LRRC9: variants seen among roughly 807,000 people sequenced by gnomAD.
LRRC9 encodes leucine rich repeat containing 9.
LRRC9 carries 122 observed loss-of-function variants against 63.2 expected under a neutral mutation model. The observed-to-expected ratio is 1.93, with a 90% CI of 1.67 to 2.24. The LOEUF (loss-of-function observed/expected upper bound fraction) is 2.24. LRRC9 is among the 30% of genes most tolerant of loss of function. The pLI, the probability that LRRC9 is intolerant of heterozygous loss-of-function variation, is 0.00. For synonymous variants in LRRC9, 366 were observed against 213.1 expected, an observed-to-expected ratio of 1.72 and a Z score of -6.25; for missense variants, 1,071 against 627.7, an observed-to-expected ratio of 1.71 and a Z score of -7.55.
chr14:60,043,460 G>A (rs72718055), intron 29 of LRRC9, among the ~76,000 whole-genome samples: 5,345 of 152,170 alleles, frequency 0.035, 145 homozygotes, highest in Non-Finnish European at 0.055. Flanking sequence ...TTATCTTGAG[G>A]TATGTTCCTT....
Position 59,942,527 on chromosome 14 carries a change from C to T in LRRC9, c.727-2062C>T, listed in dbSNP as rs1881887093. 6.6e-6 allele frequency among the ~76,000 whole-genome samples: 1 copy of T among 152,166 alleles called. No homozygotes were observed. The highest frequency in any genetic ancestry group is 1.5e-5 in the Non-Finnish European group (1 of 68,034). ...ATCACTTGAGGTCAGCAGTTTGTAA[C>T]CAGCCTGGCCAACATGGTGAAACCC... On this transcript the variant is annotated intron_variant, in intron 7 of 31. Coordinates refer to ENST00000445360, the Ensembl canonical transcript of LRRC9. The surrounding 1 kb of genome is among the most constrained non-coding windows in gnomAD (Gnocchi z 5.3).
intron 23 of LRRC9, among the ~76,000 whole-genome samples, chr14:60,009,557 C>CA (rs1890090421): frequency 6.6e-6 from 1 of 152,220 alleles, no homozygotes; most frequent in African/African-American, 2.4e-5. Flanking sequence ...GGTGTGGACA[C>CA]AGAGCCAAAC....
chr14:60,058,374 T>C lies in LRRC9; in HGVS notation c.4276+352T>C, dbSNP rs1473717637. Among the ~76,000 whole-genome samples, 1 of 152,136 alleles carries C rather than the reference T, an allele frequency of 6.6e-6. No individual in the cohort carries two copies. Among genetic ancestry groups the C allele is most frequent in the Non-Finnish European group, 1.5e-5 (1 of 67,992 alleles). On this transcript the variant is annotated intron_variant, in intron 31 of 31. Transcript: ENST00000445360. The surrounding 1 kb of genome is among the most constrained non-coding windows in gnomAD (Gnocchi z 4.4). Reference sequence around the variant, plus strand: ...CAAACAACTACTAAAACCAGTTCATTAGTGCATCCTGCTAAAAGTGGAAAT... The same window carrying C: ...CAAACAACTACTAAAACCAGTTCATCAGTGCATCCTGCTAAAAGTGGAAAT...
At chr14:59,952,571 T>A (rs1214561149) in intron 8 of LRRC9, among the ~76,000 whole-genome samples, 1 of 152,232 alleles carries the variant, frequency 6.6e-6, no homozygotes, top group African/African-American at 2.4e-5. Context: ...GGAGTACAGA[T>A]AACTATTAAA....
At chr14:60,007,707 A>G (rs1889926319) in intron 22 of LRRC9, among the ~76,000 whole-genome samples, 1 of 152,160 alleles carries the variant, frequency 6.6e-6, no homozygotes, top group Non-Finnish European at 1.5e-5. Flanking sequence ...AGGGATTCTG[A>G]TTATATAACA....
At chr14:60,015,814 C>G (rs1194147547) in intron 23 of LRRC9, among the ~76,000 whole-genome samples, 1 of 152,126 alleles carries the variant, frequency 6.6e-6, no homozygotes, top group Non-Finnish European at 1.5e-5. Context: ...GGTTCCCACT[C>G]AGCAGGTGGA....
rs551244902 is a variant in LRRC9, at chr14:59,940,889, C to A, written c.726+2317C>A. On this transcript the variant is annotated intron_variant, in intron 7 of 31. Transcript: ENST00000445360. ...TCTTTTTCTTAAAAGTTTGTTTTAACAGGTGTGGAATTCTACCAAAGTCTT... is the reference window on the plus strand; with the variant it reads ...TCTTTTTCTTAAAAGTTTGTTTTAAAAGGTGTGGAATTCTACCAAAGTCTT... Among the ~76,000 whole-genome samples, 89 of 151,982 alleles carry A rather than the reference C, an allele frequency of 5.9e-4. 1 individual carries two copies. Among genetic ancestry groups the A allele is most frequent in the African/African-American group, 2.0e-3 (83 of 41,508 alleles).
intron 7 of LRRC9, among the ~76,000 whole-genome samples, chr14:59,939,974 G>A (rs1881582535): frequency 1.3e-5 from 2 of 151,918 alleles, no homozygotes; most frequent in Admixed American, 6.6e-5. Flanking sequence ...ATGAGTCACC[G>A]AGGGAATGGT....
intron 1 of LRRC9, 82 bp from the exon 1 acceptor site, chr14:59,920,062 C>CCCTCCCCGCCCCTTTTCTCCT (rs1888637046): frequency 6.6e-6 from 1 of 152,242 alleles, no homozygotes; most frequent in African/African-American, 2.4e-5. Flanking sequence ...CCTTTTATCC[C>CCCTCCCCGCCCCTTTTCTCCT]CCTCCCCGCC....
intron 7 of LRRC9, among the ~76,000 whole-genome samples, chr14:59,943,237 T>C (rs933818591): frequency 6.6e-6 from 1 of 152,180 alleles, no homozygotes; most frequent in Non-Finnish European, 1.5e-5. Context: ...CCTAGATCAA[T>C]GTCCTGAAGT....
chr14:59,997,740 G>T (rs1269958417), exon 18 of LRRC9: 2 of 702,606 alleles, frequency 2.8e-6, no homozygotes, highest in Admixed American at 2.0e-5. Flanking sequence ...GAAGCACTTA[G>T]ACTTGAGCTG....
chr14:59,972,778 G>C (rs1885664094), intron 12 of LRRC9, among the ~76,000 whole-genome samples: 1 of 152,070 alleles, frequency 6.6e-6, no homozygotes, highest in African/African-American at 2.4e-5. Flanking sequence ...CTCTTGGTAA[G>C]CATACAACAC....
chr14:59,961,892 G>GA (rs1884386265), intron 10 of LRRC9, among the ~76,000 whole-genome samples: 1 of 152,162 alleles, frequency 6.6e-6, no homozygotes, highest in Admixed American at 6.6e-5. Flanking sequence ...ATAGGAACTG[G>GA]GTACATGGAA....
At chr14:59,974,140 GAA>G (rs1354387054) in intron 12 of LRRC9, among the ~76,000 whole-genome samples, 1 of 152,066 alleles carries the variant, frequency 6.6e-6, no homozygotes, top group African/African-American at 2.4e-5. Context: ...GTTAACACAT[GAA>G]AAGTGTTTTG....
chr14:59,946,089 ATATT>A (rs1283684516), intron 8 of LRRC9, among the ~76,000 whole-genome samples: 1 of 151,510 alleles, frequency 6.6e-6, no homozygotes, highest in African/African-American at 2.4e-5. Flanking sequence ...ATATATAAAA[ATATT>A]TATATATCAT....
chr14:60,005,776 T>C (rs894529977), intron 21 of LRRC9, among the ~76,000 whole-genome samples: 2 of 152,122 alleles, frequency 1.3e-5, no homozygotes, highest in African/African-American at 4.8e-5. Context: ...GCCACAAACC[T>C]AGTAGTGATA....
Position 60,000,279 on chromosome 14 carries a change from T to C in LRRC9, c.2529+1053T>C, listed in dbSNP as rs1004666477. Among the ~76,000 whole-genome samples, 60 of 151,922 alleles carry C rather than the reference T, an allele frequency of 3.9e-4. 2 individuals are homozygous for C. The highest frequency in any genetic ancestry group is 1.4e-4 in the African/African-American group (6 of 41,384). ...GACATAAAGATGGGGACAATACACA[T>C]TGGAGAATACGACAGGGAGGAGGGA... On this transcript the variant is annotated intron_variant, in intron 19 of 31. Transcript: ENST00000445360.
At chr14:60,062,495 T>G (rs1471851364) in intron 31 of LRRC9, among the ~76,000 whole-genome samples, 1 of 152,230 alleles carries the variant, frequency 6.6e-6, no homozygotes, top group Non-Finnish European at 1.5e-5. Flanking sequence ...AATTGTATCC[T>G]CTACCAACTC....
At chr14:60,035,948 T>C (rs1892393756) in intron 29 of LRRC9, among the ~76,000 whole-genome samples, 1 of 61,176 alleles carries the variant, frequency 1.6e-5, no homozygotes, top group African/African-American at 3.3e-5. Context: ...AGATATTTAT[T>C]TCTCACAATT....
Sources: gnomAD v4.1 joint callset for allele counts (sites outside exome capture counted in the v4.1 genomes callset) on GRCh38, gnomAD v4.1.1 for gene constraint, Gnocchi (gnomAD v3.1) non-coding constraint, MANE v1.5 for transcripts, NCBI Gene and HGNC (gene_info 2026-07-23, HGNC 2026-07-21) for gene names.